ARFGAP3: variants seen among roughly 807,000 people sequenced by gnomAD.
ARFGAP3 encodes ADP-ribosylation factor GTPase-activating protein 3.
In ARFGAP3, 72 loss-of-function variants were observed where a neutral mutation model predicts 75.0. The ratio of observed to expected loss-of-function variants is 0.96; its 90% confidence interval spans 0.79 to 1.17. The LOEUF (loss-of-function observed/expected upper bound fraction) is 1.17, where lower values mean the gene tolerates loss of function less well. Ranked by LOEUF, ARFGAP3 falls within the 50% of genes most tolerant of loss-of-function variation. The pLI is 0.00. For synonymous variants in ARFGAP3, 221 were observed against 217.9 expected (o/e 1.01, Z -0.13); for missense variants, 620 against 626.6 (o/e 0.99, Z 0.11).
At chr22:42,813,145 G>C (rs1440092052) in intron 11 of ARFGAP3, among the ~76,000 whole-genome samples, 1 of 152,204 alleles carries the variant, frequency 6.6e-6, no homozygotes, top group East Asian at 1.9e-4. Context: ...GCACCTACGA[G>C]GAGTCAGGCA....
chr22:42,857,223 G>A lies in ARFGAP3; in HGVS notation c.-41C>T. The A allele has an allele frequency of 6.7e-7, 1 of 1,497,306 alleles. No homozygotes were observed. Among genetic ancestry groups the A allele is most frequent in the Non-Finnish European group, 8.9e-7 (1 of 1,119,638 alleles). The allele number at this position is 1,497,306 out of a possible 1,614,324, so 92.8% of individuals were successfully genotyped here. ...GCGGCGCAGCTGGCCCAGCCAACCGGTAAGAGTCGACGAAAAGCGGCTACC... is the reference window on the plus strand; with the variant it reads ...GCGGCGCAGCTGGCCCAGCCAACCGATAAGAGTCGACGAAAAGCGGCTACC... On this transcript the variant is annotated 5_prime_UTR_variant, in exon 1 of 16. Transcript: ENST00000263245.
chr22:42,808,879 C>A lies in ARFGAP3; in HGVS notation c.1208G>T (p.Arg403Leu), dbSNP rs138028492. Residue 403 changes from arginine to leucine, a missense_variant, in exon 13 of 16, where the codon CGC becomes CTC. Coordinates refer to ENST00000263245, the MANE Select transcript of ARFGAP3 (RefSeq NM_014570.5). Reference protein sequence around the residue: ...TTGYSDRPTARRKPDYEPVEN... With the variant: ...TTGYSDRPTALRKPDYEPVEN... Reference sequence around the variant, plus strand: ...AACTGGCTCATAATCTGGCTTGCGGCGAGCAGTAGGTCTGCAATTAAAAAC... The same window carrying A: ...AACTGGCTCATAATCTGGCTTGCGGAGAGCAGTAGGTCTGCAATTAAAAAC... 1.6e-5 allele frequency: 26 copies of A among 1,608,802 alleles called. No individual in the cohort carries two copies. The East Asian group carries it at 2.9e-4, about 18-fold the overall frequency.
At chr22:42,846,187 C>CA in intron 2 of ARFGAP3, among the ~76,000 whole-genome samples, 1 of 152,086 alleles carries the variant, frequency 6.6e-6, no homozygotes, top group Admixed American at 6.5e-5. Context: ...TCCAGATGGG[C>CA]AGCCTAGCTG....
intron 4 of ARFGAP3, 152 bp downstream of exon 4, chr22:42,835,210 G>T: frequency 1.2e-6 from 1 of 845,332 alleles, no homozygotes; most frequent in Non-Finnish European, 1.8e-6. Context: ...TGAATTTACA[G>T]AACATAACTA....
chr22:42,808,813 T>C lies in ARFGAP3; in HGVS notation c.1274A>G (p.Lys425Arg). 2 of 1,613,920 alleles carry C rather than the reference T, an allele frequency of 1.2e-6. No individual in the cohort carries two copies. The highest frequency in any genetic ancestry group is 1.1e-5 in the South Asian group (1 of 91,002). ...DEAQKKFGNV[K>R]AISSDMYFGR... Reference sequence around the variant, plus strand: ...AAAATACATATCTGATGAAATGGCCTTGACATTGCCAAACTTCTTCTGGGC... The same window carrying C: ...AAAATACATATCTGATGAAATGGCCCTGACATTGCCAAACTTCTTCTGGGC... Residue 425 changes from lysine to arginine, a missense_variant, in exon 13 of 16, where the codon AAG (lysine) becomes AGG (arginine). Physicochemically the swap from Lys to Arg is conservative, Grantham distance 26. Coordinates refer to ENST00000263245, the MANE Select transcript of ARFGAP3 (RefSeq NM_014570.5).
intron 1 of ARFGAP3, among the ~76,000 whole-genome samples, chr22:42,851,681 A>G (rs986824243): frequency 6.6e-6 from 1 of 152,220 alleles, no homozygotes; most frequent in African/African-American, 2.4e-5. Context: ...ATGCTTTGGA[A>G]GCAGGGACTG....
At chr22:42,834,628 C>T (rs1926441800) in intron 4 of ARFGAP3, among the ~76,000 whole-genome samples, 1 of 152,164 alleles carries the variant, frequency 6.6e-6, no homozygotes, top group Admixed American at 6.5e-5. Flanking sequence ...CCTTGTTATT[C>T]ATGGATTCCA....
At chr22:42,802,750 C>T (rs1924933422) in intron 14 of ARFGAP3, among the ~76,000 whole-genome samples, 1 of 151,162 alleles carries the variant, frequency 6.6e-6, no homozygotes, top group African/African-American at 2.4e-5. Context: ...TACAGGCGCC[C>T]ACCACCATGC....
intron 5 of ARFGAP3, 150 bp from the exon 6 acceptor site, chr22:42,831,786 T>C (rs1926301384): frequency 7.0e-7 from 1 of 1,429,024 alleles, no homozygotes; most frequent in South Asian, 1.5e-5. Flanking sequence ...TTTTTCTTGC[T>C]TTCTTTTTTT....
intron 2 of ARFGAP3, among the ~76,000 whole-genome samples, chr22:42,843,139 C>T (rs1434701712): frequency 6.6e-6 from 1 of 151,866 alleles, no homozygotes; most frequent in Admixed American, 6.6e-5. Flanking sequence ...CTCACCTCTT[C>T]CTGATGCTGT....
At chr22:42,846,060 A>G (rs1007459420) in intron 2 of ARFGAP3, among the ~76,000 whole-genome samples, 2 of 143,662 alleles carry the variant, frequency 1.4e-5, no homozygotes, top group Non-Finnish European at 3.1e-5. Flanking sequence ...AAAAAAAAAA[A>G]AGACAAAGAA....
At chr22:42,842,166 G>A (rs935592544) in intron 2 of ARFGAP3, among the ~76,000 whole-genome samples, 46 of 151,650 alleles carry the variant, frequency 3.0e-4, no homozygotes, top group African/African-American at 9.2e-4. Context: ...CACTACGCCC[G>A]GCTAATTTTT....
chr22:42,854,692 T>C (rs1927422603), intron 1 of ARFGAP3, among the ~76,000 whole-genome samples: 1 of 151,798 alleles, frequency 6.6e-6, no homozygotes, highest in Admixed American at 6.6e-5. Context: ...CTAGAGTAAA[T>C]CATCATACAT....
intron 1 of ARFGAP3, among the ~76,000 whole-genome samples, chr22:42,853,964 C>G (rs1927390771): frequency 6.6e-6 from 1 of 152,228 alleles, no homozygotes; most frequent in African/African-American, 2.4e-5. Context: ...TTAAAGAAAA[C>G]TAAGGAATTA....
intron 3 of ARFGAP3, among the ~76,000 whole-genome samples, chr22:42,837,335 C>G (rs943566225): frequency 2.6e-5 from 4 of 151,976 alleles, no homozygotes; most frequent in Admixed American, 1.3e-4. Context: ...TAATAAGAAA[C>G]ACTGGCTGGG....
intron 10 of ARFGAP3, chr22:42,817,501 C>G: frequency 4.4e-6 from 1 of 226,710 alleles, no homozygotes; most frequent in Non-Finnish European, 7.3e-6. Context: ...GGTTTCCTCT[C>G]TGGTAGGTGC....
At chr22:42,822,528 C>T (rs1925858376) in intron 8 of ARFGAP3, 119 bp from the exon 9 acceptor site, 1 of 1,274,090 alleles carries the variant, frequency 7.8e-7, no homozygotes, top group African/African-American at 1.5e-5. Flanking sequence ...TACATTTGTT[C>T]TGTGGCTTAG....
rs1424561779 is a variant in ARFGAP3, at chr22:42,810,829, T to C, written c.1180A>G (p.Thr394Ala). Residue 394 changes from threonine to alanine, a missense_variant, in exon 12 of 16, where the codon ACA becomes GCA. Transcript: ENST00000263245. ...SKDTETVLKTTGYSDRPTARR... is the reference protein window; with the variant it reads ...SKDTETVLKTAGYSDRPTARR... ...CATTCATACCTGTCTGAATAGCCTGTGGTTTTCAGAACTGTTTCAGTATCT... is the reference window on the plus strand; with the variant it reads ...CATTCATACCTGTCTGAATAGCCTGCGGTTTTCAGAACTGTTTCAGTATCT... 8.7e-6 allele frequency: 14 copies of C among 1,614,114 alleles called. No individual in the cohort carries two copies. In the Middle Eastern group the frequency reaches 5.0e-4, roughly 57 times the overall value.
chr22:42,825,730 A>G, intron 7 of ARFGAP3, among the ~76,000 whole-genome samples: 1 of 152,154 alleles, frequency 6.6e-6, no homozygotes, highest in Non-Finnish European at 1.5e-5. Flanking sequence ...TTATTTTAAT[A>G]ACAATACTTT....
Sources: allele counts gnomAD v4.1 joint callset (sites outside exome capture counted in the v4.1 genomes callset), GRCh38; gene constraint gnomAD v4.1.1; transcripts MANE v1.5; gene names NCBI Gene and HGNC (gene_info 2026-07-23, HGNC 2026-07-21).